CDK13: variants seen among roughly 807,000 people sequenced by gnomAD.
The protein encoded by CDK13 is cyclin-dependent kinase 13.
In CDK13, 40 loss-of-function variants were observed where a neutral mutation model predicts 137.6. The observed-to-expected ratio is 0.29, with a 90% confidence interval of 0.23 to 0.38. The LOEUF is 0.38. Ranked by LOEUF, CDK13 falls within the 10% of genes least tolerant of loss-of-function variation. The pLI is 1.00. For missense variants in CDK13, 1,704 were observed against 1,951.8 expected, an observed-to-expected ratio of 0.87 and a Z score of 2.39; for synonymous variants, 869 against 760.1, an observed-to-expected ratio of 1.14 and a Z score of -2.36.
intron 5 of CDK13, among the ~76,000 whole-genome samples, chr7:40,018,575 C>A (rs1268270721): frequency 6.6e-6 from 1 of 152,020 alleles, no homozygotes; most frequent in African/African-American, 2.4e-5. Context: ...TACTACTCAG[C>A]CATAAAAAAG....
At chr7:39,957,090 CGTGT>C (rs70996865) in intron 1 of CDK13, among the ~76,000 whole-genome samples, 26,394 of 140,782 alleles carry the variant, frequency 0.19, 2,393 homozygotes, top group South Asian at 0.23. Context: ...ATCCCACTGT[CGTGT>C]GTGTGTGTGT....
chr7:40,004,917 A>G (rs899834467), intron 5 of CDK13, among the ~76,000 whole-genome samples: 1 of 152,220 alleles, frequency 6.6e-6, no homozygotes, highest in African/African-American at 2.4e-5. Flanking sequence ...CTGTAATCCC[A>G]GCACTTAGGG....
At position 39,950,796 on chromosome 7, in the gene CDK13, C is replaced by G; in HGVS notation, c.155C>G (p.Pro52Arg). 6.8e-7 allele frequency: 1 copy of G among 1,460,098 alleles called. No individual in the cohort carries two copies. Among genetic ancestry groups the G allele is most frequent in the Non-Finnish European group, 9.0e-7 (1 of 1,113,214 alleles). 90.4% of individuals were successfully genotyped at this position (1,460,098 alleles called of 1,614,324 possible). The change falls in exon 1 of 14, where the codon CCG (proline) becomes CGG (arginine). Residue 52 changes from proline (P) to arginine (R), a missense_variant. This residue lies in a region of CDK13 where 1,051 missense variants were observed against 931.0 expected (regional missense o/e 1.13). Coordinates refer to ENST00000181839, the MANE Select transcript of CDK13 (RefSeq NM_003718.5). ...PLLQPQLLQP[P>R]PPPPPLLFLA... ...CTGCAGCCGCAGCTCCTGCAACCGC[C>G]GCCGCCCCCGCCGCCTCTGCTCTTC...
In CDK13 at chr7:40,099,371, C is replaced by A. The variant is rs1787099516; in HGVS notation, c.*4391C>A. On this transcript the variant is annotated 3_prime_UTR_variant, in exon 14 of 14. Coordinates refer to ENST00000181839, the MANE Select transcript of CDK13 (RefSeq NM_003718.5). ...TAAAAATGAATTTTCTAATTGTATT[C>A]AAATGAGGCTCTATAGTGAATACAG... The A allele has an allele frequency of 6.6e-6, 1 of 152,252 alleles. No individual in the cohort carries two copies. Among genetic ancestry groups the A allele is most frequent in the East Asian group, 1.9e-4 (1 of 5,182 alleles). 9.4% of individuals were successfully genotyped at this position (152,252 alleles called of 1,614,324 possible). A position where few individuals can be genotyped will look rare whatever the true frequency, so the allele number is the denominator to read the frequency against.
chr7:40,074,285 G>A (rs1362220180), intron 9 of CDK13, among the ~76,000 whole-genome samples: 1 of 152,154 alleles, frequency 6.6e-6, no homozygotes, highest in African/African-American at 2.4e-5. Context: ...CACTTTGGGA[G>A]GCCGAGGTGG....
chr7:39,997,860 A>T (rs892377733), intron 3 of CDK13, 196 bp downstream of exon 3: 6 of 495,142 alleles, frequency 1.2e-5, no homozygotes, highest in Non-Finnish European at 2.1e-5. Flanking sequence ...ATAAAACCAA[A>T]TTTAATTTTC....
intron 5 of CDK13, among the ~76,000 whole-genome samples, chr7:40,031,441 C>T (rs960073445): frequency 6.6e-6 from 1 of 151,862 alleles, no homozygotes; most frequent in Admixed American, 6.6e-5. Flanking sequence ...AGATTTGCTT[C>T]AACCTAGGGG....
intron 1 of CDK13, among the ~76,000 whole-genome samples, chr7:39,959,731 C>T (rs1390396189): frequency 2.0e-5 from 3 of 151,754 alleles, no homozygotes; most frequent in Admixed American, 6.6e-5. Flanking sequence ...TTTCAAAGTG[C>T]GGGGATTACA....
At chr7:40,017,055 A>G (rs1445789638) in intron 5 of CDK13, among the ~76,000 whole-genome samples, 2 of 152,158 alleles carry the variant, frequency 1.3e-5, no homozygotes, top group Admixed American at 6.5e-5. Flanking sequence ...TATTCTATTC[A>G]TGAATTTTTT....
chr7:40,013,316 G>T (rs1784935208), intron 5 of CDK13, among the ~76,000 whole-genome samples: 1 of 152,130 alleles, frequency 6.6e-6, no homozygotes, highest in Non-Finnish European at 1.5e-5. Flanking sequence ...TAAAAGAGTT[G>T]TGGAGAGGGG....
At chr7:40,062,280 A>G (rs1264199805) in intron 7 of CDK13, 1 of 147,206 alleles carries the variant, frequency 6.8e-6, no homozygotes, top group Admixed American at 6.6e-5. Context: ...TGCAGTTAAT[A>G]CCAGTAAACT....
At chr7:39,987,369 T>A (rs950134890) in intron 1 of CDK13, among the ~76,000 whole-genome samples, 1 of 152,168 alleles carries the variant, frequency 6.6e-6, no homozygotes, top group Non-Finnish European at 1.5e-5. Flanking sequence ...GTCCTAATTT[T>A]TACATTTGTA....
intron 1 of CDK13, among the ~76,000 whole-genome samples, chr7:39,976,663 A>G (rs1178723891): frequency 6.6e-6 from 1 of 152,126 alleles, no homozygotes; most frequent in Non-Finnish European, 1.5e-5. Context: ...GTTTTTTTCT[A>G]TACATACATA....
intron 1 of CDK13, among the ~76,000 whole-genome samples, chr7:39,973,777 G>T (rs1784049565): frequency 6.6e-6 from 1 of 152,164 alleles, no homozygotes; most frequent in South Asian, 2.1e-4. Flanking sequence ...GAAAGGAAGA[G>T]GTCTAGCTTC....
chr7:40,041,410 G>A (rs1278720262), intron 5 of CDK13, among the ~76,000 whole-genome samples: 5 of 152,146 alleles, frequency 3.3e-5, no homozygotes, highest in Admixed American at 3.3e-4. Context: ...ACAAATTATT[G>A]AGATATTTTA....
intron 1 of CDK13, among the ~76,000 whole-genome samples, chr7:39,969,343 T>G (rs374601154): frequency 6.6e-6 from 1 of 152,204 alleles, no homozygotes; most frequent in East Asian, 1.9e-4. Flanking sequence ...GAAGTCTTCA[T>G]TAATCTCGTT....
intron 11 of CDK13, among the ~76,000 whole-genome samples, chr7:40,079,749 C>T (rs1481313641): frequency 6.6e-6 from 1 of 152,004 alleles, no homozygotes; most frequent in African/African-American, 2.4e-5. Context: ...ATATAAATTT[C>T]TTATCATTGA....
intron 5 of CDK13, among the ~76,000 whole-genome samples, chr7:40,042,262 G>A (rs1042931647): frequency 8.6e-5 from 13 of 151,448 alleles, no homozygotes; most frequent in Admixed American, 5.9e-4. Context: ...TGTATTTTTA[G>A]TAGAGACGGG....
chr7:39,998,248 C>CT (rs35987720), intron 3 of CDK13: 39,200 of 145,166 alleles, frequency 0.27, 6,369 homozygotes, highest in Middle Eastern at 0.45. Flanking sequence ...ACAGTGAAGA[C>CT]TTTAAGTTAG....
Sources: allele counts gnomAD v4.1 joint callset (sites outside exome capture counted in the v4.1 genomes callset), GRCh38; gene constraint gnomAD v4.1.1; regional missense constraint gnomAD v4.1.1; transcripts MANE v1.5; gene names NCBI Gene and HGNC (gene_info 2026-07-23, HGNC 2026-07-21).